Variants in RAB28 observed in about 807,000 individuals in gnomAD.
The protein encoded by RAB28 is RAB28, member RAS oncogene family.
A neutral mutation model predicts 31.7 loss-of-function variants in RAB28; 24 were observed. The observed-to-expected ratio is 0.76, with a 90% CI of 0.55 to 1.06. The LOEUF (loss-of-function observed/expected upper bound fraction) is 1.06. Ranked by LOEUF, RAB28 falls within the 50% of genes least tolerant of loss-of-function variation. RAB28 has a pLI of 0.00. For synonymous variants in RAB28, 100 were observed against 90.4 expected (o/e 1.11, Z -0.60); for missense variants, 254 against 258.5 (o/e 0.98, Z 0.12).
chr4:13,476,464 A>G (rs1413578724), intron 2 of RAB28, among the ~76,000 whole-genome samples: 1 of 151,600 alleles, frequency 6.6e-6, no homozygotes, highest in Non-Finnish European at 1.5e-5. Flanking sequence ...ACAAAAAATG[A>G]CTATCTTTAG....
intron 6 of RAB28, 29 bp downstream of exon 6, chr4:13,376,516 T>C: frequency 6.6e-7 from 1 of 1,513,496 alleles, no homozygotes; most frequent in Non-Finnish European, 9.0e-7. Flanking sequence ...ATTCATTAAT[T>C]TTTTAAATAT....
chr4:13,373,277 A>G (rs186790124), intron 6 of RAB28, among the ~76,000 whole-genome samples: 2 of 136,642 alleles, frequency 1.5e-5, no homozygotes, highest in East Asian at 3.9e-4. Context: ...CTTTGCAAAT[A>G]AAAAATCTGA....
intron 5 of RAB28, among the ~76,000 whole-genome samples, chr4:13,378,825 G>A (rs1729019118): frequency 6.6e-6 from 1 of 152,054 alleles, no homozygotes; most frequent in African/African-American, 2.4e-5. Context: ...TCTTCTGTTT[G>A]TTTCAAATTT....
At chr4:13,382,693 A>AT (rs35120402) in intron 4 of RAB28, among the ~76,000 whole-genome samples, 2,030 of 73,760 alleles carry the variant, frequency 0.028, 48 homozygotes, top group Middle Eastern at 0.038. Context: ...AAAATATGGA[A>AT]TTTTTTTTTT....
chr4:13,370,680 A>C (rs1003355291), intron 6 of RAB28: 2 of 984,742 alleles, frequency 2.0e-6, no homozygotes, highest in Admixed American at 6.2e-5. Context: ...AGACTTCCTT[A>C]TGATGCTCGC....
chr4:13,426,672 A>G (rs1437963312), intron 4 of RAB28, among the ~76,000 whole-genome samples: 1 of 152,202 alleles, frequency 6.6e-6, no homozygotes, highest in Admixed American at 6.5e-5. Context: ...CCTAGTATTT[A>G]GCATGATTCC....
intron 4 of RAB28, among the ~76,000 whole-genome samples, chr4:13,427,472 A>C (rs1197721597): frequency 6.6e-6 from 1 of 152,222 alleles, no homozygotes; most frequent in Non-Finnish European, 1.5e-5. Flanking sequence ...CCTACTAAAG[A>C]GGAGAAAACA....
chr4:13,406,829 C>T (rs1712120930), intron 4 of RAB28, among the ~76,000 whole-genome samples: 1 of 152,148 alleles, frequency 6.6e-6, no homozygotes, highest in South Asian at 2.1e-4. Flanking sequence ...ATATCCTTTG[C>T]CCACTTTTTG....
chr4:13,416,224 T>C (rs1169227432), intron 4 of RAB28, among the ~76,000 whole-genome samples: 1 of 152,170 alleles, frequency 6.6e-6, no homozygotes, highest in Non-Finnish European at 1.5e-5. Context: ...CTTTCACTCT[T>C]TGCAATAAAT....
intron 4 of RAB28, among the ~76,000 whole-genome samples, chr4:13,386,578 T>G: frequency 6.6e-6 from 1 of 151,854 alleles, no homozygotes; most frequent in African/African-American, 2.4e-5. Flanking sequence ...CTAGTCAGAA[T>G]GGAAAAACCC....
chr4:13,393,707 T>C (rs1043402402), intron 4 of RAB28, among the ~76,000 whole-genome samples: 4 of 151,714 alleles, frequency 2.6e-5, no homozygotes, highest in Non-Finnish European at 5.9e-5. Context: ...TAATTAACTA[T>C]ATCATAACTT....
intron 4 of RAB28, among the ~76,000 whole-genome samples, chr4:13,418,581 C>T (rs1287447199): frequency 6.6e-6 from 1 of 152,194 alleles, no homozygotes; most frequent in East Asian, 1.9e-4. Flanking sequence ...AGCCAGAAGA[C>T]AGCAGGGGCC....
At chr4:13,438,407 C>G (rs11737264) in intron 4 of RAB28, among the ~76,000 whole-genome samples, 14,261 of 152,168 alleles carry the variant, frequency 0.094, 1,313 homozygotes, top group African/African-American at 0.24. Context: ...AAACCCTACA[C>G]ATATTAGTAG....
chr4:13,483,616 AC>A (rs1716718139), intron 1 of RAB28, among the ~76,000 whole-genome samples: 1 of 152,224 alleles, frequency 6.6e-6, no homozygotes. Flanking sequence ...TGACCCGACG[AC>A]TAAGTGGCAG....
chr4:13,402,019 TAGG>T (rs1209627942), intron 4 of RAB28, among the ~76,000 whole-genome samples: 1 of 152,360 alleles, frequency 6.6e-6, no homozygotes, highest in Non-Finnish European at 1.5e-5. Flanking sequence ...ACAGGCTGTT[TAGG>T]AGGTGTTCAA....
At chr4:13,414,438 T>A (rs1048622833) in intron 4 of RAB28, among the ~76,000 whole-genome samples, 16 of 152,260 alleles carry the variant, frequency 1.1e-4, no homozygotes, top group Middle Eastern at 3.4e-3. Flanking sequence ...AATTCTCGTA[T>A]CAAAGGGGAA....
At chr4:13,403,072 G>A (rs1711863630) in intron 4 of RAB28, among the ~76,000 whole-genome samples, 1 of 152,148 alleles carries the variant, frequency 6.6e-6, no homozygotes, top group Non-Finnish European at 1.5e-5. Flanking sequence ...TGGGATTACA[G>A]GTGTGAGTCA....
intron 6 of RAB28, chr4:13,371,833 C>T (rs1560264548): frequency 3.2e-6 from 5 of 1,547,464 alleles, no homozygotes; most frequent in Admixed American, 3.9e-5. Context: ...CGATTATTCT[C>T]TATTAGTTGA....
intron 4 of RAB28, among the ~76,000 whole-genome samples, chr4:13,397,006 G>A (rs1349892811): frequency 6.6e-6 from 1 of 152,030 alleles, no homozygotes; most frequent in Non-Finnish European, 1.5e-5. Flanking sequence ...AATTAACAAA[G>A]CACATAATAA....
Sources: allele counts gnomAD v4.1 joint callset (sites outside exome capture counted in the v4.1 genomes callset), GRCh38; gene constraint gnomAD v4.1.1; transcripts MANE v1.5; gene names NCBI Gene and HGNC (gene_info 2026-07-23, HGNC 2026-07-21).